Variants in GRIN2A observed in about 807,000 individuals in gnomAD.
The protein encoded by GRIN2A is glutamate ionotropic receptor NMDA type subunit 2A.
GRIN2A carries 22 observed loss-of-function variants against 113.4 expected under a neutral mutation model. The ratio of observed to expected loss-of-function variants is 0.19; its 90% confidence interval spans 0.14 to 0.28. The LOEUF is 0.28. Among genes scored for constraint, GRIN2A ranks in the 10% least tolerant of loss-of-function variants. The pLI is 1.00. For missense variants in GRIN2A, 1,502 were observed against 1,887.0 expected (o/e 0.80, Z 3.78); for synonymous variants, 827 against 738.4 (o/e 1.12, Z -1.94).
chr16:10,001,916 C>T (rs988548635), intron 2 of GRIN2A, among the ~76,000 whole-genome samples: 2 of 152,120 alleles, frequency 1.3e-5, no homozygotes, highest in African/African-American at 4.8e-5. Flanking sequence ...CATTGATAAA[C>T]CAGGATAACA....
intron 11 of GRIN2A, among the ~76,000 whole-genome samples, chr16:9,784,723 T>A (rs1229572380): frequency 1.3e-4 from 19 of 147,162 alleles, no homozygotes; most frequent in African/African-American, 1.0e-4. Flanking sequence ...GAATCTACAA[T>A]GAACTCAAAC....
chr16:9,815,167 C>T (rs1227930743), intron 10 of GRIN2A, among the ~76,000 whole-genome samples: 1 of 152,106 alleles, frequency 6.6e-6, no homozygotes, highest in African/African-American at 2.4e-5. Flanking sequence ...GATGGGACTA[C>T]ACTGTTCTTT....
intron 2 of GRIN2A, among the ~76,000 whole-genome samples, chr16:10,068,979 G>A (rs111873235): frequency 1.8e-3 from 275 of 152,254 alleles, no homozygotes; most frequent in African/African-American, 6.3e-3. Flanking sequence ...GCACAGGTGC[G>A]TGGTGGGGAG....
chr16:10,124,989 T>C (rs1314649162), intron 2 of GRIN2A, among the ~76,000 whole-genome samples: 1 of 151,500 alleles, frequency 6.6e-6, no homozygotes, highest in African/African-American at 2.4e-5. Context: ...GCCCCTAGGG[T>C]TGGAAAGAAC....
chr16:10,125,073 G>C (rs955163178), intron 2 of GRIN2A, among the ~76,000 whole-genome samples: 1 of 152,140 alleles, frequency 6.6e-6, no homozygotes, highest in Non-Finnish European at 1.5e-5. Context: ...CTCTTCATAG[G>C]CCATGGTGAG....
At chr16:9,870,636 T>TC (rs1293693500) in intron 4 of GRIN2A, among the ~76,000 whole-genome samples, 4 of 150,210 alleles carry the variant, frequency 2.7e-5, no homozygotes, top group African/African-American at 7.4e-5. Flanking sequence ...TTCTTTTTTT[T>TC]TTTTTTTTCT....
intron 11 of GRIN2A, among the ~76,000 whole-genome samples, chr16:9,795,311 A>C (rs28501350): frequency 0.032 from 4,851 of 152,216 alleles, 252 homozygotes; most frequent in African/African-American, 0.11. Flanking sequence ...GGTCGTCCCC[A>C]CTGCTACACT....
intron 4 of GRIN2A, among the ~76,000 whole-genome samples, chr16:9,873,013 C>T (rs1217076018): frequency 1.3e-5 from 2 of 152,072 alleles, no homozygotes; most frequent in African/African-American, 4.8e-5. Flanking sequence ...CCACTATTCT[C>T]CAGCCTGGGC....
At chr16:9,838,053 A>G (rs961880945) in intron 7 of GRIN2A, among the ~76,000 whole-genome samples, 2 of 152,214 alleles carry the variant, frequency 1.3e-5, no homozygotes, top group Non-Finnish European at 2.9e-5. Flanking sequence ...CGAAACATGA[A>G]AGTTTCACTG....
At chr16:9,887,295 GC>G (rs984212041) in intron 4 of GRIN2A, among the ~76,000 whole-genome samples, 1 of 152,106 alleles carries the variant, frequency 6.6e-6, no homozygotes, top group Admixed American at 6.5e-5. Context: ...GGAAATAACT[GC>G]CATCACTCCA....
chr16:9,969,115 A>G (rs1174190584), intron 2 of GRIN2A, among the ~76,000 whole-genome samples: 1 of 152,098 alleles, frequency 6.6e-6, no homozygotes, highest in Non-Finnish European at 1.5e-5. Flanking sequence ...CACTAGCCAC[A>G]CTTCAAATGC....
chr16:10,023,698 G>A (rs3848333), intron 2 of GRIN2A, among the ~76,000 whole-genome samples: 16,400 of 152,234 alleles, frequency 0.11, 982 homozygotes, highest in Middle Eastern at 0.14. Context: ...CGCTATAAAT[G>A]AGCATGATTG....
chr16:9,952,434 G>A (rs1389179709), intron 2 of GRIN2A, among the ~76,000 whole-genome samples: 1 of 152,106 alleles, frequency 6.6e-6, no homozygotes, highest in African/African-American at 2.4e-5. Context: ...GGGAATGTGA[G>A]CAGCTTAGTG....
At chr16:9,986,038 T>G (rs1478051056) in intron 2 of GRIN2A, among the ~76,000 whole-genome samples, 1 of 152,140 alleles carries the variant, frequency 6.6e-6, no homozygotes, top group African/African-American at 2.4e-5. Flanking sequence ...TATAAATTCA[T>G]AGGTACAATA....
At chr16:9,949,612 A>G (rs897416893) in intron 2 of GRIN2A, among the ~76,000 whole-genome samples, 9 of 151,706 alleles carry the variant, frequency 5.9e-5, no homozygotes, top group Non-Finnish European at 1.3e-4. Context: ...GGATGGGTAG[A>G]CGGGTGGGTG....
intron 2 of GRIN2A, among the ~76,000 whole-genome samples, chr16:10,043,018 T>C (rs1427566386): frequency 3.3e-5 from 5 of 152,232 alleles, no homozygotes. Flanking sequence ...ATAATAAGTT[T>C]ATACATCGTA....
intron 4 of GRIN2A, among the ~76,000 whole-genome samples, chr16:9,850,518 A>G (rs2042864562): frequency 6.6e-6 from 1 of 152,222 alleles, no homozygotes; most frequent in Non-Finnish European, 1.5e-5. Context: ...GAGAAAGTGA[A>G]AAGGAGAAAG....
chr16:9,891,618 T>C (rs760687863), intron 3 of GRIN2A, among the ~76,000 whole-genome samples: 2 of 152,194 alleles, frequency 1.3e-5, no homozygotes, highest in Non-Finnish European at 1.5e-5. Flanking sequence ...CATGAATTGA[T>C]TAAACACAGA....
At chr16:9,866,447 A>C (rs1230571519) in intron 4 of GRIN2A, among the ~76,000 whole-genome samples, 2 of 152,192 alleles carry the variant, frequency 1.3e-5, no homozygotes, top group Admixed American at 6.5e-5. Flanking sequence ...AAATATATAA[A>C]GGAGAAGAGA....
Sources: allele counts gnomAD v4.1 joint callset (sites outside exome capture counted in the v4.1 genomes callset), GRCh38; gene constraint gnomAD v4.1.1; transcripts MANE v1.5; gene names NCBI Gene and HGNC (gene_info 2026-07-23, HGNC 2026-07-21).